The following ARG2 variants were observed in gnomAD, a reference collection of about 807,000 sequenced individuals.
The protein encoded by ARG2 is arginase-2, mitochondrial.
A neutral mutation model predicts 39.4 loss-of-function variants in ARG2; 21 were observed. That is an observed-to-expected ratio of 0.53 (90% CI 0.38 to 0.77). The LOEUF is 0.77. ARG2 is among the 30% of genes least tolerant of loss of function. The pLI, the probability that ARG2 is intolerant of heterozygous loss-of-function variation, is 0.00. For synonymous variants in ARG2, 150 were observed against 156.7 expected (o/e 0.96, Z 0.32); for missense variants, 378 against 426.2 (o/e 0.89, Z 1.00).
At chr14:67,637,912 G>C (rs186348110) in intron 2 of ARG2, among the ~76,000 whole-genome samples, 45 of 152,340 alleles carry the variant, frequency 3.0e-4, no homozygotes, top group South Asian at 2.1e-3. Flanking sequence ...AAGTGAGCAG[G>C]AGTAATGTGC....
intron 7 of ARG2, 153 bp from the exon 8 acceptor site, chr14:67,650,562 T>TG: frequency 1.6e-6 from 1 of 641,428 alleles, no homozygotes; most frequent in Non-Finnish European, 2.8e-6. Flanking sequence ...GCCAAGAGGA[T>TG]GAGGTGCAAG....
At chr14:67,640,002 T>A (rs2037013862) in intron 2 of ARG2, among the ~76,000 whole-genome samples, 2 of 151,982 alleles carry the variant, frequency 1.3e-5, no homozygotes, top group Admixed American at 1.3e-4. Context: ...GACTTGATAT[T>A]GACTTGAAGG....
intron 2 of ARG2, among the ~76,000 whole-genome samples, chr14:67,630,079 C>T (rs1299137600): frequency 1.3e-5 from 2 of 152,182 alleles, no homozygotes; most frequent in Non-Finnish European, 2.9e-5. Context: ...CATGCTTTTC[C>T]AGTTCGGGTA....
At position 67,621,085 on chromosome 14, in the gene ARG2, C is replaced by A. The variant is rs3742877; in HGVS notation, c.184+119C>A. On this transcript the variant is annotated intron_variant, in intron 2 of 7. Coordinates refer to ENST00000261783, the MANE Select transcript of ARG2 (RefSeq NM_001172.4). ...TTTGGGAACAGTCTGCCACATCCCG[C>A]ATCCTCCTTTGGATTCCGTCTGCGG... 1,416 of 924,232 alleles carry A rather than the reference C, an allele frequency of 1.5e-3. 34 individuals carry two copies. The East Asian group carries it at 0.032, about 21-fold the overall frequency. The allele number at this position is 924,232 out of a possible 1,614,324, so 57.3% of individuals were successfully genotyped here.
At position 67,651,037 on chromosome 14, in the gene ARG2, C is replaced by T. The variant is rs2140793482; in HGVS notation, c.*117C>T. 2 of 1,122,360 alleles carry T rather than the reference C, an allele frequency of 1.8e-6. No homozygotes were observed. The highest frequency in any genetic ancestry group is 1.5e-5 in the South Asian group (1 of 68,394). 69.5% of individuals were successfully genotyped at this position (1,122,360 alleles called of 1,614,324 possible). On this transcript the variant is annotated 3_prime_UTR_variant, in exon 8 of 8. Transcript: ENST00000261783. ...AATACTGCCTTAATGAGAACATTTA[C>T]ACATTCTCACAATTGTAAAGTTTCC... is the stretch of plus-strand genomic sequence containing the variant.
intron 2 of ARG2, among the ~76,000 whole-genome samples, chr14:67,630,922 T>TGCTCCCA (rs1215199844): frequency 3.9e-5 from 6 of 152,166 alleles, no homozygotes; most frequent in African/African-American, 1.4e-4. Flanking sequence ...AAGAGGTTAA[T>TGCTCCCA]GCTCCCAGCT....
chr14:67,628,437 C>G (rs2036888801), intron 2 of ARG2, among the ~76,000 whole-genome samples: 1 of 152,070 alleles, frequency 6.6e-6, no homozygotes, highest in African/African-American at 2.4e-5. Context: ...TTTGCTAATG[C>G]CTTAGTAAAA....
chr14:67,639,032 C>T lies in ARG2; in HGVS notation c.185-3154C>T, dbSNP rs1018865498. Among the ~76,000 whole-genome samples, 6 of 150,490 alleles carry T rather than the reference C, an allele frequency of 4.0e-5. No homozygotes were observed. The South Asian group carries it at 1.0e-3, about 26-fold the overall frequency. ...GTTGGGAATTAATCTGATGAACCCC[C>T]GACAGAAGTTAGTAACCCTTCTAGC... is the stretch of plus-strand genomic sequence containing the variant. On this transcript the variant is annotated intron_variant, in intron 2 of 7. Transcript: ENST00000261783.
intron 2 of ARG2, among the ~76,000 whole-genome samples, chr14:67,631,303 C>A (rs1375918376): frequency 6.6e-6 from 1 of 152,146 alleles, no homozygotes; most frequent in Non-Finnish European, 1.5e-5. Context: ...GACCTACTTT[C>A]TAATACAATG....
At chr14:67,640,909 TC>T (rs1455007329) in intron 2 of ARG2, among the ~76,000 whole-genome samples, 17 of 152,264 alleles carry the variant, frequency 1.1e-4, no homozygotes, top group South Asian at 8.3e-4. Context: ...AAATCCAAAA[TC>T]GGAAATGTTC....
rs2036810935 is a variant in ARG2 at position 67,621,549 on chromosome 14, G to A, written c.184+583G>A. On this transcript the variant is annotated intron_variant, in intron 2 of 7. Transcript: ENST00000261783. ...TGGCTCATTGCAACCTCCACCTTCT[G>A]GGTTCAAGCAATTCTCCTCCCAAGT... 3.3e-5 allele frequency among the ~76,000 whole-genome samples: 5 copies of A among 151,576 alleles called. No individual in the cohort carries two copies. The South Asian group carries it at 1.0e-3, about 32-fold the overall frequency.
At chr14:67,650,447 C>CAATT (rs1198900625) in intron 7 of ARG2, 8 of 448,002 alleles carry the variant, frequency 1.8e-5, no homozygotes, top group Non-Finnish European at 3.2e-5. Flanking sequence ...GAACGCCTGA[C>CAATT]AATTATGCCT....
chr14:67,642,809 T>TTTTTTTTC (rs1261301132), intron 3 of ARG2, among the ~76,000 whole-genome samples: 6 of 133,268 alleles, frequency 4.5e-5, no homozygotes, highest in Non-Finnish European at 8.0e-5. Flanking sequence ...TTTTTTTTTT[T>TTTTTTTTC]TTTTTTTTTT....
intron 4 of ARG2, 56 bp from the exon 5 acceptor site, chr14:67,646,588 G>C (rs2037101350): frequency 2.8e-6 from 4 of 1,404,976 alleles, no homozygotes; most frequent in Non-Finnish European, 4.0e-6. Context: ...ACATGATAAT[G>C]ATCTTGGTGA....
intron 2 of ARG2, among the ~76,000 whole-genome samples, chr14:67,630,888 A>G (rs1447049829): frequency 6.6e-6 from 1 of 152,074 alleles, no homozygotes; most frequent in African/African-American, 2.4e-5. Context: ...CCGCCCATGT[A>G]GCATGTAGAA....
intron 2 of ARG2, among the ~76,000 whole-genome samples, chr14:67,624,637 G>A (rs993120909): frequency 2.0e-5 from 3 of 152,118 alleles, no homozygotes; most frequent in African/African-American, 7.2e-5. Flanking sequence ...TGAACCATTA[G>A]GAACAACCCC....
intron 2 of ARG2, among the ~76,000 whole-genome samples, chr14:67,633,185 TTTG>T (rs1410772651): frequency 6.6e-6 from 1 of 152,202 alleles, no homozygotes; most frequent in African/African-American, 2.4e-5. Flanking sequence ...TTAGGTTTAT[TTTG>T]TTGTTTTTTG....
intron 2 of ARG2, among the ~76,000 whole-genome samples, chr14:67,623,534 C>CTTT (rs60604937): frequency 0.017 from 1,404 of 82,938 alleles, 181 homozygotes; most frequent in African/African-American, 0.058. Flanking sequence ...CTCAGGTAAC[C>CTTT]TTTTTTTTTT....
At chr14:67,637,445 T>G (rs2036985500) in intron 2 of ARG2, among the ~76,000 whole-genome samples, 1 of 150,228 alleles carries the variant, frequency 6.7e-6, no homozygotes, top group Non-Finnish European at 1.5e-5. Context: ...AACTTTAATA[T>G]TACTCAGTTC....
Sources: allele counts gnomAD v4.1 joint callset (sites outside exome capture counted in the v4.1 genomes callset), GRCh38; gene constraint gnomAD v4.1.1; transcripts MANE v1.5; gene names NCBI Gene and HGNC (gene_info 2026-07-23, HGNC 2026-07-21).